WDFY3: variants seen among roughly 807,000 people sequenced by gnomAD.
The protein encoded by WDFY3 is WD repeat and FYVE domain-containing protein 3.
Under a neutral mutation model 409.6 loss-of-function variants are expected in WDFY3, and 66 were observed. That is an observed-to-expected ratio of 0.16 (90% CI 0.13 to 0.20). The LOEUF is 0.20. Among genes scored for constraint, WDFY3 ranks in the 10% least tolerant of loss-of-function variants. The pLI, the probability that WDFY3 is intolerant of heterozygous loss-of-function variation, is 1.00. For synonymous variants in WDFY3, 1,521 were observed against 1,537.1 expected, an observed-to-expected ratio of 0.99 and a Z score of 0.25; for missense variants, 3,031 against 4,298.1, an observed-to-expected ratio of 0.71 and a Z score of 8.24.
At chr4:84,964,165 T>C (rs1340612174) in intron 1 of WDFY3, among the ~76,000 whole-genome samples, 3 of 152,110 alleles carry the variant, frequency 2.0e-5, no homozygotes. Context: ...CTCAGAAGTA[T>C]ATGCATGAAA....
At chr4:84,699,895 C>T (rs1016928633) in intron 56 of WDFY3, among the ~76,000 whole-genome samples, 15 of 151,348 alleles carry the variant, frequency 9.9e-5, no homozygotes, top group African/African-American at 2.7e-4. Context: ...GCCCATTTTC[C>T]AACTGGGTTG....
chr4:84,739,094 C>A lies in WDFY3; in HGVS notation c.6490G>T (p.Ala2164Ser). 1.9e-6 allele frequency: 3 copies of A among 1,614,118 alleles called. No homozygotes were observed. The highest frequency in any genetic ancestry group is 2.5e-6 in the Non-Finnish European group (3 of 1,179,976). The change falls in exon 40 of 68, where the codon GCA (alanine) becomes TCA (serine). Residue 2164 changes from alanine to serine, a missense_variant. Ala to Ser is a moderately conservative substitution (Grantham distance 99). This residue lies in a region of WDFY3 where 314 missense variants were observed against 397.4 expected (regional missense o/e 0.79). Transcript: ENST00000295888. ...GSNVDGFGLE[A>S]EARMTTWHIM... The stretch of plus-strand genomic sequence containing the variant: ...TGCCATGTGGTCATGCGGGCTTCTG[C>A]TTCCAGTCCAAATCCATCCACGTTG...
chr4:84,761,328 G>C (rs1742555920), intron 32 of WDFY3, among the ~76,000 whole-genome samples: 1 of 152,104 alleles, frequency 6.6e-6, no homozygotes, highest in Non-Finnish European at 1.5e-5. Context: ...AGGTCTGCTT[G>C]GTGCAGAGCT....
At chr4:84,708,806 G>A in intron 53 of WDFY3, 103 bp downstream of exon 53, 5 of 1,305,600 alleles carry the variant, frequency 3.8e-6, no homozygotes, top group Non-Finnish European at 5.3e-6. Flanking sequence ...CTCCCAAAGT[G>A]CTAGGATTTT....
chr4:84,775,108 G>C lies in WDFY3; in HGVS notation c.4549C>G (p.Leu1517Val). The change falls in exon 28 of 68, where the codon CTT becomes GTT. Residue 1517 changes from leucine to valine, a missense_variant. By Grantham distance (32) the Leu-to-Val change is conservative. Coordinates refer to ENST00000295888, the MANE Select transcript of WDFY3 (RefSeq NM_014991.6). ...TCAATAAAGTGTTCAAATAAGGAAA[G>C]ATGAAGTTCATATGGTGCATGGAGC... ...VWLHAPYELH[L>V]SLFEHFIELL... The C allele has an allele frequency of 6.2e-7, 1 of 1,613,498 alleles. No homozygotes were observed. The highest frequency in any genetic ancestry group is 8.5e-7 in the Non-Finnish European group (1 of 1,179,838).
intron 58 of WDFY3, among the ~76,000 whole-genome samples, chr4:84,693,572 G>A (rs918374349): frequency 6.6e-6 from 1 of 152,144 alleles, no homozygotes; most frequent in Non-Finnish European, 1.5e-5. Context: ...ACAAAAATGT[G>A]CTACATCGTC....
At chr4:84,884,054 T>C (rs538724003) in intron 3 of WDFY3, among the ~76,000 whole-genome samples, 1 of 152,298 alleles carries the variant, frequency 6.6e-6, no homozygotes, top group African/African-American at 2.4e-5. Context: ...GACTTGGGAC[T>C]CAAAAAGCTA....
chr4:84,873,268 A>G (rs865857347), intron 3 of WDFY3, among the ~76,000 whole-genome samples: 4 of 152,216 alleles, frequency 2.6e-5, no homozygotes, highest in African/African-American at 7.2e-5. Flanking sequence ...AAGACAGACC[A>G]CACTCTGTGC....
chr4:84,853,509 T>C (rs963123874), intron 4 of WDFY3, among the ~76,000 whole-genome samples: 1 of 152,124 alleles, frequency 6.6e-6, no homozygotes, highest in Non-Finnish European at 1.5e-5. Context: ...GTTTATAATA[T>C]TCCTATTACT....
chr4:84,672,684 C>G lies in WDFY3; in HGVS notation c.*184G>C. The G allele has an allele frequency of 1.4e-6, 1 of 700,506 alleles. No homozygotes were observed. Among genetic ancestry groups the G allele is most frequent in the Non-Finnish European group, 2.2e-6 (1 of 451,070 alleles). 43.4% of individuals were successfully genotyped at this position (700,506 alleles called of 1,614,324 possible). On this transcript the variant is annotated 3_prime_UTR_variant, in exon 68 of 68. Coordinates refer to ENST00000295888, the MANE Select transcript of WDFY3 (RefSeq NM_014991.6). ...TTCTTCTTGTGCTGTTCACCTGAAT[C>G]GCGTCTGCCCCATTCCTGTACTCTA...
At chr4:84,795,196 TTAAAA>T (rs1181979337) in intron 19 of WDFY3, among the ~76,000 whole-genome samples, 1 of 151,984 alleles carries the variant, frequency 6.6e-6, no homozygotes, top group Non-Finnish European at 1.5e-5. Context: ...CATTTTTAAC[TTAAAA>T]TAAAAAAAAA....
chr4:84,930,512 C>T (rs1249859603), intron 2 of WDFY3, among the ~76,000 whole-genome samples: 1 of 152,116 alleles, frequency 6.6e-6, no homozygotes, highest in African/African-American at 2.4e-5. Context: ...AAAGCTAGTA[C>T]GTGGCGATGC....
At chr4:84,675,286 A>G (rs1388717205) in intron 67 of WDFY3, among the ~76,000 whole-genome samples, 2 of 152,086 alleles carry the variant, frequency 1.3e-5, no homozygotes, top group African/African-American at 4.8e-5. Context: ...CAGGCCTTTC[A>G]AAGCACAGAG....
chr4:84,729,230 A>T (rs1446048606), intron 44 of WDFY3, among the ~76,000 whole-genome samples: 1 of 151,342 alleles, frequency 6.6e-6, no homozygotes, highest in Non-Finnish European at 1.5e-5. Flanking sequence ...TTTAAATATA[A>T]TTTTTTTTTA....
intron 6 of WDFY3, 50 bp from the exon 7 acceptor site, chr4:84,837,140 G>A: frequency 4.4e-6 from 6 of 1,356,068 alleles, no homozygotes; most frequent in South Asian, 2.3e-5. Flanking sequence ...AACTATAATT[G>A]GTACAGCCAA....
chr4:84,852,908 C>A (rs1759227346), intron 4 of WDFY3, among the ~76,000 whole-genome samples: 1 of 151,988 alleles, frequency 6.6e-6, no homozygotes, highest in Non-Finnish European at 1.5e-5. Context: ...CAGGTGCCTG[C>A]CACCACACTC....
At chr4:84,938,196 A>T (rs1771675661) in intron 1 of WDFY3, among the ~76,000 whole-genome samples, 1 of 152,164 alleles carries the variant, frequency 6.6e-6, no homozygotes, top group African/African-American at 2.4e-5. Flanking sequence ...CAGGCATCCA[A>T]TTAACATTTT....
chr4:84,765,475 A>C, intron 32 of WDFY3, among the ~76,000 whole-genome samples: 1 of 152,176 alleles, frequency 6.6e-6, no homozygotes, highest in Non-Finnish European at 1.5e-5. Flanking sequence ...GCACACAGTA[A>C]GTACTCAAAA....
rs2148797768 is a variant in WDFY3 at position 84,683,957 on chromosome 4, C to T, written c.9712G>A (p.Asp3238Asn). The change falls in exon 63 of 68, where the codon GAT becomes AAT. Residue 3238 changes from aspartate (D) to asparagine (N), a missense_variant. Physicochemically the swap from Asp to Asn is conservative, Grantham distance 23. This residue lies in a region of WDFY3 where 378 missense variants were observed against 477.3 expected (regional missense o/e 0.79). Transcript: ENST00000295888. ...TQNVIVTGHS[D>N]GVVRFWRMEF... The stretch of plus-strand genomic sequence containing the variant: ...AGTTCACTTACCCGAACCACTCCAT[C>T]TGAGTGTCCTGTCACTATGACGTTC... The T allele has an allele frequency of 6.3e-7, 1 of 1,597,140 alleles. No homozygotes were observed. The highest frequency in any genetic ancestry group is 2.3e-5 in the East Asian group (1 of 44,348).
Sources: allele counts gnomAD v4.1 joint callset (sites outside exome capture counted in the v4.1 genomes callset), GRCh38; gene constraint gnomAD v4.1.1; regional missense constraint gnomAD v4.1.1; transcripts MANE v1.5; gene names NCBI Gene and HGNC (gene_info 2026-07-23, HGNC 2026-07-21).